STX11: variants seen among roughly 807,000 people sequenced by gnomAD.
The protein encoded by STX11 is syntaxin 11, also known as syntaxin-11.
In STX11, 21 loss-of-function variants were observed where a neutral mutation model predicts 19.9. That is an observed-to-expected ratio of 1.06 (90% confidence interval 0.75 to 1.52). The LOEUF (loss-of-function observed/expected upper bound fraction) is 1.52. Ranked by LOEUF, STX11 falls within the 40% of genes most tolerant of loss-of-function variation. The pLI, the probability that STX11 is intolerant of heterozygous loss-of-function variation, is 0.00. For synonymous variants in STX11, 193 were observed against 174.4 expected, an observed-to-expected ratio of 1.11 and a Z score of -0.84; for missense variants, 438 against 405.9, an observed-to-expected ratio of 1.08 and a Z score of -0.68.
At position 144,165,697 on chromosome 6, in the gene STX11, A is replaced by C. The variant is rs1460868993; in HGVS notation, c.-6+14994A>C. 6.6e-6 allele frequency among the ~76,000 whole-genome samples: 1 copy of C among 152,242 alleles called. No homozygotes were observed. The highest frequency in any genetic ancestry group is 1.5e-5 in the Non-Finnish European group (1 of 68,042). The stretch of plus-strand genomic sequence containing the variant: ...TATCATCTGCACATGCTTCCAAAGG[A>C]GTGGTACTTATAGTATCTTCAATAA... On this transcript the variant is annotated intron_variant, in intron 1 of 1. Transcript: ENST00000367568. This position sits in a 1 kb window ranked among gnomAD's most constrained non-coding sequence, Gnocchi z 5.8.
Position 144,187,228 on chromosome 6 carries a change from CG to C in STX11, c.604del (p.Ala202ProfsTer41). On this transcript the variant is annotated frameshift_variant, in exon 2 of 2. Transcript: ENST00000367568. LOFTEE classifies it high-confidence loss of function. The surrounding 1 kb of genome is among the most constrained non-coding windows in gnomAD (Gnocchi z 5.6). ...CTTGCTGGCCGACGTGAAGGGCGCG[CG>C]GGCCGCCCTCAACGAGATCGAGAGC... ...ENLLADVKGA[R>X]AALNEIESRH... 6.2e-7 allele frequency: 1 copy of C among 1,613,900 alleles called. No homozygotes were observed.
At chr6:144,149,197 C>T (rs1477575298), upstream of STX11, among the ~76,000 whole-genome samples, 1 of 152,142 alleles carries the variant, frequency 6.6e-6, no homozygotes, top group Non-Finnish European at 1.5e-5. The surrounding 1 kb of genome is among the most constrained non-coding windows in gnomAD (Gnocchi z 5.1). Context: ...TGGAGGAAGT[C>T]ACTGTGCACA....
At chr6:144,140,254 A>ATATATTTT in the STX11 span, among the ~76,000 whole-genome samples, 1 of 38,902 alleles carries the variant, frequency 2.6e-5, no homozygotes, top group African/African-American at 1.3e-4. Context: ...ATATATATAT[A>ATATATTTT]TTTATTTATT....
Position 144,165,360 on chromosome 6 carries a change from CAGG to C in STX11, c.-6+14660_-6+14662del, listed in dbSNP as rs1801450352. ...ATCCCAGCTACTCGGGAGACTGAGG[CAGG>C]AGAATTGCTTGAACCCGGGAGGCGG... On this transcript the variant is annotated intron_variant, in intron 1 of 1. Transcript: ENST00000367568. The surrounding 1 kb of genome is among the most constrained non-coding windows in gnomAD (Gnocchi z 5.8). Among the ~76,000 whole-genome samples the C allele has an allele frequency of 6.6e-6, 1 of 151,810 alleles. No homozygotes were observed. Among genetic ancestry groups the C allele is most frequent in the Non-Finnish European group, 1.5e-5 (1 of 67,996 alleles).
Position 144,155,638 on chromosome 6 carries a change from A to G in STX11, c.-6+4935A>G, listed in dbSNP as rs1801116539. Among the ~76,000 whole-genome samples, 1 of 152,172 alleles carries G rather than the reference A, an allele frequency of 6.6e-6. No homozygotes were observed. Among genetic ancestry groups the G allele is most frequent in the Admixed American group, 6.5e-5 (1 of 15,284 alleles). On this transcript the variant is annotated intron_variant, in intron 1 of 1. Transcript: ENST00000367568. This position sits in a 1 kb window ranked among gnomAD's most constrained non-coding sequence, Gnocchi z 4.5. ...TCGGTTTGTCTTGGCTGTTCAATTC[A>G]ACTGTGGTTTCCCTGAGAGAAGAGA...
At position 144,159,915 on chromosome 6, in the gene STX11, G is replaced by A. The variant is rs55683974; in HGVS notation, c.-6+9212G>A. 0.063 allele frequency among the ~76,000 whole-genome samples: 9,604 copies of A among 152,114 alleles called. 950 individuals carry two copies. Among genetic ancestry groups the A allele is most frequent in the African/African-American group, 0.21 (8,805 of 41,434 alleles). ...CACTTTTGATGCCCTGGGTGAAGAG[G>A]CCACAACCCCAGTGTTGCAATTTGC... On this transcript the variant is annotated intron_variant, in intron 1 of 1. Coordinates refer to ENST00000367568, the MANE Select transcript of STX11 (RefSeq NM_003764.4). The surrounding 1 kb of genome is among the most constrained non-coding windows in gnomAD (Gnocchi z 4.3).
rs976346989 is a variant in STX11 at position 144,154,745 on chromosome 6, A to T, written c.-6+4042A>T. Among the ~76,000 whole-genome samples the T allele has an allele frequency of 1.3e-5, 2 of 152,194 alleles. No individual in the cohort carries two copies. Among genetic ancestry groups the T allele is most frequent in the Non-Finnish European group, 2.9e-5 (2 of 68,042 alleles). The stretch of plus-strand genomic sequence containing the variant: ...CTATTTTGTTCTAGTTTTACCCTGA[A>T]GCAGGCGCCTTACCTGCCTCTAACT... On this transcript the variant is annotated intron_variant, in intron 1 of 1. Coordinates refer to ENST00000367568, the MANE Select transcript of STX11 (RefSeq NM_003764.4). The surrounding 1 kb of genome is among the most constrained non-coding windows in gnomAD (Gnocchi z 4.7).
upstream of STX11, among the ~76,000 whole-genome samples, chr6:144,148,592 A>G (rs773206224): frequency 6.6e-6 from 1 of 152,186 alleles, no homozygotes; most frequent in Non-Finnish European, 1.5e-5. Context: ...TAATTAATCA[A>G]CCTTGATTCT....
chr6:144,173,502 T>C (rs1303553663), intron 1 of STX11, among the ~76,000 whole-genome samples: 2 of 152,242 alleles, frequency 1.3e-5, no homozygotes, highest in Non-Finnish European at 2.9e-5. Context: ...AAAAAGTTTT[T>C]ATTTTCCTAT....
At chr6:144,171,205 A>C (rs1169988946) in intron 1 of STX11, among the ~76,000 whole-genome samples, 3 of 152,176 alleles carry the variant, frequency 2.0e-5, no homozygotes, top group Non-Finnish European at 4.4e-5. Flanking sequence ...TACGTCCCTG[A>C]GTAGATGTGG....
chr6:144,186,039 T>G (rs1802018725), intron 1 of STX11, among the ~76,000 whole-genome samples: 2 of 148,244 alleles, frequency 1.3e-5, no homozygotes, highest in South Asian at 2.1e-4. Flanking sequence ...TTGCAAGTCT[T>G]TCTTCTTCTT....
intron 1 of STX11, among the ~76,000 whole-genome samples, chr6:144,164,236 A>C (rs1801419408): frequency 6.6e-6 from 1 of 152,218 alleles, no homozygotes. Flanking sequence ...AAGCCTTCCC[A>C]ACTTGGTTTA....
intron 1 of STX11, among the ~76,000 whole-genome samples, chr6:144,156,023 T>C (rs1484126995): frequency 0.013 from 1,569 of 117,580 alleles, 156 homozygotes; most frequent in African/African-American, 0.075. Flanking sequence ...TCTCTCTTTC[T>C]CTCCTTCCTT....
At position 144,177,621 on chromosome 6, in the gene STX11, A is replaced by C. The variant is rs1184612443; in HGVS notation, c.-5-9002A>C. On this transcript the variant is annotated intron_variant, in intron 1 of 1. Transcript: ENST00000367568. The surrounding 1 kb of genome is among the most constrained non-coding windows in gnomAD (Gnocchi z 4.4). ...AAAAATTAGCCGGGTGTGGTGGTGC[A>C]CACCTGTAATCCCAGCTACTCAGGA... Among the ~76,000 whole-genome samples, 1 of 152,140 alleles carries C rather than the reference A, an allele frequency of 6.6e-6. No homozygotes were observed. Among genetic ancestry groups the C allele is most frequent in the African/African-American group, 2.4e-5 (1 of 41,440 alleles).
rs750036582 is a variant in STX11, at chr6:144,189,012, C to T, written c.*1521C>T. ...TAGTGCTGGGATTACAGGTGTGAGC[C>T]ACCATGCCTGGCCTTTTTTCCCCCC... On this transcript the variant is annotated 3_prime_UTR_variant, in exon 2 of 2. Transcript: ENST00000367568. Among the ~76,000 whole-genome samples, 52 of 151,752 alleles carry T rather than the reference C, an allele frequency of 3.4e-4. No homozygotes were observed. Among genetic ancestry groups the T allele is most frequent in the Non-Finnish European group, 7.2e-4 (49 of 67,978 alleles).
chr6:144,178,423 C>T (rs1429699951), intron 1 of STX11, among the ~76,000 whole-genome samples: 2 of 152,186 alleles, frequency 1.3e-5, no homozygotes, highest in Admixed American at 1.3e-4. Flanking sequence ...TTTGATTTCC[C>T]GTGCATTTCT....
At position 144,152,324 on chromosome 6, in the gene STX11, A is replaced by G. The variant is rs554179962; in HGVS notation, c.-6+1621A>G. 2.2e-4 allele frequency among the ~76,000 whole-genome samples: 33 copies of G among 152,360 alleles called. No homozygotes were observed. The highest frequency in any genetic ancestry group is 3.7e-4 in the Non-Finnish European group (25 of 68,030). ...ATACCCAGAGAAAAGTTTCTGTCCC[A>G]ATATGACTGATGTTTCTGAAGATCT... On this transcript the variant is annotated intron_variant, in intron 1 of 1. Transcript: ENST00000367568. This position sits in a 1 kb window ranked among gnomAD's most constrained non-coding sequence, Gnocchi z 4.9.
rs1183272640 is a variant in STX11, at chr6:144,191,410, G to C, written c.*3919G>C. Among the ~76,000 whole-genome samples, 2 of 149,832 alleles carry C rather than the reference G, an allele frequency of 1.3e-5. No individual in the cohort carries two copies. ...AGAACAGTACTCTTTTTATATCAAT[G>C]CCTTTACATTTATTTAAAAACAGTC... On this transcript the variant is annotated 3_prime_UTR_variant, in exon 2 of 2. Coordinates refer to ENST00000367568, the MANE Select transcript of STX11 (RefSeq NM_003764.4).
Position 144,153,548 on chromosome 6 carries a change from A to G in STX11, c.-6+2845A>G, listed in dbSNP as rs1199600004. ...CACAAAGGCCCCATGAGGGTTTAAT[A>G]GTACTGAAGCCTTTGAACAAGTGAA... On this transcript the variant is annotated intron_variant, in intron 1 of 1. Transcript: ENST00000367568. This position sits in a 1 kb window ranked among gnomAD's most constrained non-coding sequence, Gnocchi z 5.0. Among the ~76,000 whole-genome samples, 2 of 152,240 alleles carry G rather than the reference A, an allele frequency of 1.3e-5. No homozygotes were observed. The highest frequency in any genetic ancestry group is 2.4e-5 in the African/African-American group (1 of 41,462).
Sources: allele counts gnomAD v4.1 joint callset (sites outside exome capture counted in the v4.1 genomes callset), GRCh38; gene constraint gnomAD v4.1.1; non-coding constraint Gnocchi (gnomAD v3.1); transcripts MANE v1.5; gene names NCBI Gene and HGNC (gene_info 2026-07-23, HGNC 2026-07-21).